GABRG3: variants seen among roughly 807,000 people sequenced by gnomAD.
GABRG3 encodes the protein gamma-aminobutyric acid type A receptor subunit gamma3.
A neutral mutation model predicts 48.8 loss-of-function variants in GABRG3; 25 were observed. That is an observed-to-expected ratio of 0.51 (90% CI 0.37 to 0.72). The LOEUF is 0.72. Ranked by LOEUF, GABRG3 falls within the 30% of genes least tolerant of loss-of-function variation. The pLI, the probability that GABRG3 is intolerant of heterozygous loss-of-function variation, is 0.00. For missense variants in GABRG3, 394 were observed against 577.9 expected (o/e 0.68, Z 3.26); for synonymous variants, 227 against 217.6 (o/e 1.04, Z -0.38).
intron 3 of GABRG3, among the ~76,000 whole-genome samples, chr15:27,189,052 G>A (rs573254953): frequency 1.3e-5 from 2 of 152,140 alleles, no homozygotes; most frequent in East Asian, 1.9e-4. Flanking sequence ...ATATGGCGTT[G>A]TTTCTGAGGG....
chr15:27,172,282 T>A (rs752770327), intron 3 of GABRG3, among the ~76,000 whole-genome samples: 2 of 152,148 alleles, frequency 1.3e-5, no homozygotes, highest in Non-Finnish European at 2.9e-5. Flanking sequence ...TAAGTGAAGC[T>A]TTGCACAGGT....
At chr15:27,033,483 GA>G (rs1351598873) in intron 3 of GABRG3, among the ~76,000 whole-genome samples, 1 of 152,164 alleles carries the variant, frequency 6.6e-6, no homozygotes, top group Non-Finnish European at 1.5e-5. Context: ...GATACAATCT[GA>G]CTGGGAGATT....
At position 27,319,763 on chromosome 15, in the gene GABRG3, G is replaced by A. The variant is rs555675811; in HGVS notation, c.271-7046G>A. On this transcript the variant is annotated intron_variant, in intron 3 of 9. Transcript: ENST00000615808. The surrounding 1 kb of genome is among the most constrained non-coding windows in gnomAD (Gnocchi z 4.4). ...AACGGGTTGGTTTGTAAGCAAGCAC[G>A]ATACACGGAGCCTTGAGTATCATGC... Among the ~76,000 whole-genome samples, 8 of 152,270 alleles carry A rather than the reference G, an allele frequency of 5.3e-5. No individual in the cohort carries two copies. In the South Asian group the frequency reaches 8.3e-4, roughly 16 times the overall value.
chr15:27,135,397 G>A (rs1897991160), intron 3 of GABRG3, among the ~76,000 whole-genome samples: 1 of 152,182 alleles, frequency 6.6e-6, no homozygotes. Flanking sequence ...AAAGCAGTCT[G>A]TTCTCATAAG....
intron 5 of GABRG3, among the ~76,000 whole-genome samples, chr15:27,416,198 G>A (rs979476183): frequency 6.6e-6 from 1 of 152,166 alleles, no homozygotes; most frequent in Admixed American, 6.5e-5. Context: ...AGGATGTACC[G>A]GGTAAGAGAA....
chr15:27,137,811 C>T (rs972608782), intron 3 of GABRG3, among the ~76,000 whole-genome samples: 1 of 152,158 alleles, frequency 6.6e-6, no homozygotes, highest in Non-Finnish European at 1.5e-5. Context: ...TCTTGTCTTT[C>T]TCCCCTTTCC....
At chr15:27,093,941 C>T (rs1315136140) in intron 3 of GABRG3, among the ~76,000 whole-genome samples, 1 of 152,180 alleles carries the variant, frequency 6.6e-6, no homozygotes, top group African/African-American at 2.4e-5. Context: ...ACCTTCTCAG[C>T]CCCATGACCA....
intron 2 of GABRG3, among the ~76,000 whole-genome samples, chr15:27,006,392 G>T (rs112303638): frequency 2.0e-5 from 3 of 152,182 alleles, no homozygotes; most frequent in African/African-American, 7.2e-5. Flanking sequence ...AGCAGAGATG[G>T]GGTCTCACCA....
intron 3 of GABRG3, among the ~76,000 whole-genome samples, chr15:27,145,638 T>TATCTATCTATCTATCTATCTATCC (rs1168515211): frequency 7.0e-6 from 1 of 142,878 alleles, no homozygotes. Context: ...TCTATCTATC[T>TATCTATCTATCTATCTATCTATCC]ATCTATCTAT....
intron 2 of GABRG3, among the ~76,000 whole-genome samples, chr15:27,022,533 T>TA: frequency 6.6e-6 from 1 of 152,322 alleles, no homozygotes; most frequent in East Asian, 1.9e-4. Context: ...AATGTGATTT[T>TA]ACCTGTCAAG....
intron 3 of GABRG3, among the ~76,000 whole-genome samples, chr15:27,270,182 GT>G (rs2140472965): frequency 6.6e-6 from 1 of 152,254 alleles, no homozygotes; most frequent in East Asian, 1.9e-4. Context: ...AATGAATCAA[GT>G]TTTTCTCCAT....
At chr15:27,153,279 A>G (rs938375880) in intron 3 of GABRG3, among the ~76,000 whole-genome samples, 3 of 152,126 alleles carry the variant, frequency 2.0e-5, no homozygotes, top group Non-Finnish European at 4.4e-5. Context: ...TTGTCTTTGC[A>G]TCTTTATAAA....
chr15:27,343,561 A>T (rs1349253026), intron 5 of GABRG3, among the ~76,000 whole-genome samples: 1 of 152,188 alleles, frequency 6.6e-6, no homozygotes, highest in East Asian at 1.9e-4. Flanking sequence ...GTAGGTGCTT[A>T]ATAGGTATTT....
chr15:27,338,029 G>A (rs1280819593), intron 5 of GABRG3, among the ~76,000 whole-genome samples: 2 of 152,148 alleles, frequency 1.3e-5, no homozygotes, highest in African/African-American at 4.8e-5. Context: ...AATATGGAGC[G>A]AGGGGAGTCT....
chr15:27,039,937 C>T (rs1896245791), intron 3 of GABRG3, among the ~76,000 whole-genome samples: 1 of 152,218 alleles, frequency 6.6e-6, no homozygotes, highest in African/African-American at 2.4e-5. Context: ...CTTATTTCAT[C>T]TTCCCAGGAA....
At chr15:27,289,349 TA>T (rs1436471761) in intron 3 of GABRG3, among the ~76,000 whole-genome samples, 4 of 152,230 alleles carry the variant, frequency 2.6e-5, no homozygotes, top group African/African-American at 9.6e-5. Context: ...TTTTTATTTT[TA>T]TTTTTTTATT....
chr15:27,528,540 G>A (rs1440711562), intron 9 of GABRG3, among the ~76,000 whole-genome samples: 1 of 152,160 alleles, frequency 6.6e-6, no homozygotes, highest in Non-Finnish European at 1.5e-5. Flanking sequence ...CCTAGGAGCA[G>A]AATGTTTGGG....
chr15:27,252,839 A>G (rs1159052735), intron 3 of GABRG3, among the ~76,000 whole-genome samples: 1 of 152,228 alleles, frequency 6.6e-6, no homozygotes, highest in African/African-American at 2.4e-5. Context: ...TGCACAGCAC[A>G]CTGTCTAGTG....
chr15:27,087,830 G>A (rs1897105259), intron 3 of GABRG3, among the ~76,000 whole-genome samples: 1 of 151,814 alleles, frequency 6.6e-6, no homozygotes, highest in Non-Finnish European at 1.5e-5. Context: ...TATGTGTGGT[G>A]TGTGTGCATG....
Sources: allele counts gnomAD v4.1 joint callset (sites outside exome capture counted in the v4.1 genomes callset), GRCh38; gene constraint gnomAD v4.1.1; non-coding constraint Gnocchi (gnomAD v3.1); transcripts MANE v1.5; gene names NCBI Gene and HGNC (gene_info 2026-07-23, HGNC 2026-07-21).